The following SEMA5A variants were observed in gnomAD, a reference collection of about 807,000 sequenced individuals.
The protein encoded by SEMA5A is semaphorin 5A.
In SEMA5A, 55 loss-of-function variants were observed where a neutral mutation model predicts 135.5. That is an observed-to-expected ratio of 0.41 (90% CI 0.33 to 0.51). The LOEUF is 0.51. Among genes scored for constraint, SEMA5A ranks in the 20% least tolerant of loss-of-function variants. The probability of loss-of-function intolerance (pLI) is 0.37; values close to 1 mark genes in which losing one functional copy is unlikely to be tolerated. For synonymous variants in SEMA5A, 580 were observed against 546.5 expected (o/e 1.06, Z -0.85); for missense variants, 1,290 against 1,419.9 (o/e 0.91, Z 1.47).
intron 5 of SEMA5A, among the ~76,000 whole-genome samples, chr5:9,310,214 A>G (rs1752062998): frequency 6.6e-6 from 1 of 152,140 alleles, no homozygotes; most frequent in African/African-American, 2.4e-5. Flanking sequence ...CTACTGGTCA[A>G]GTTAGCTGAA....
intron 8 of SEMA5A, among the ~76,000 whole-genome samples, chr5:9,217,954 C>T (rs1183160778): frequency 1.3e-5 from 2 of 152,142 alleles, no homozygotes; most frequent in Admixed American, 6.5e-5. Flanking sequence ...TCTCTAACTT[C>T]ATTCCTATCC....
intron 18 of SEMA5A, among the ~76,000 whole-genome samples, chr5:9,060,648 A>C (rs1218130695): frequency 6.6e-6 from 1 of 152,068 alleles, no homozygotes; most frequent in African/African-American, 2.4e-5. Context: ...GCAGAGGAGG[A>C]GTCTCCTGAG....
intron 8 of SEMA5A, among the ~76,000 whole-genome samples, chr5:9,205,760 G>A (rs40679): frequency 6.6e-6 from 1 of 151,970 alleles, no homozygotes; most frequent in Non-Finnish European, 1.5e-5. Flanking sequence ...ATGTTGGTCA[G>A]GGAGTGAGAC....
chr5:9,347,745 A>G (rs1197924949), intron 3 of SEMA5A, among the ~76,000 whole-genome samples: 3 of 152,188 alleles, frequency 2.0e-5, no homozygotes, highest in Non-Finnish European at 4.4e-5. Flanking sequence ...GACAGGCTTC[A>G]TGTCCAGAAG....
intron 10 of SEMA5A, among the ~76,000 whole-genome samples, chr5:9,194,756 T>G (rs531358947): frequency 7.9e-5 from 12 of 152,348 alleles, no homozygotes; most frequent in Non-Finnish European, 1.6e-4. Flanking sequence ...CTGAAACGCA[T>G]GCCAATTTCT....
chr5:9,157,435 C>T (rs1166709534), intron 11 of SEMA5A, among the ~76,000 whole-genome samples: 1 of 152,206 alleles, frequency 6.6e-6, no homozygotes, highest in African/African-American at 2.4e-5. Flanking sequence ...ACCAGCATGT[C>T]CCACCTCCTG....
intron 2 of SEMA5A, among the ~76,000 whole-genome samples, chr5:9,400,501 A>ATTTTTTTTTTTT (rs1215358817): frequency 2.3e-5 from 2 of 87,018 alleles, no homozygotes; most frequent in African/African-American, 1.0e-4. Context: ...CACAATGTAC[A>ATTTTTTTTTTTT]TTTTTTTTTT....
rs142183261 is a variant in SEMA5A at position 9,060,437 on chromosome 5, A to C, written c.2518+2450T>G. On this transcript the variant is annotated intron_variant, in intron 18 of 22. Coordinates refer to ENST00000382496, the MANE Select transcript of SEMA5A (RefSeq NM_003966.3). ...ATAGGGTCTGGAGCCCAGGGAGACAAGGGTGGGTGGAGGGACCCTGACATT... is the reference window on the plus strand; with the variant it reads ...ATAGGGTCTGGAGCCCAGGGAGACACGGGTGGGTGGAGGGACCCTGACATT... 1.5e-3 allele frequency among the ~76,000 whole-genome samples: 221 copies of C among 152,238 alleles called. 1 individual carries two copies. Among genetic ancestry groups the C allele is most frequent in the Non-Finnish European group, 2.4e-3 (162 of 68,018 alleles).
intron 12 of SEMA5A, among the ~76,000 whole-genome samples, chr5:9,146,739 A>G (rs1005347937): frequency 3.3e-5 from 5 of 152,146 alleles, no homozygotes; most frequent in African/African-American, 9.7e-5. Context: ...CTCATTCATC[A>G]TCCTCTATGC....
At chr5:9,342,446 G>T (rs992042541) in intron 3 of SEMA5A, among the ~76,000 whole-genome samples, 1 of 152,200 alleles carries the variant, frequency 6.6e-6, no homozygotes, top group Non-Finnish European at 1.5e-5. Flanking sequence ...TAATTAAGGG[G>T]CTGAGAAAGC....
chr5:9,123,819 AC>A (rs1179171178), intron 13 of SEMA5A, among the ~76,000 whole-genome samples: 19 of 152,170 alleles, frequency 1.2e-4, no homozygotes, highest in African/African-American at 4.3e-4. Flanking sequence ...CTAAGAGCTT[AC>A]GGGCCAGTGA....
At position 9,416,010 on chromosome 5, in the gene SEMA5A, C is replaced by T. The variant is rs556082195; in HGVS notation, c.-78+21746G>A. 1.3e-5 allele frequency among the ~76,000 whole-genome samples: 2 copies of T among 152,312 alleles called. 1 individual carries two copies. The highest frequency in any genetic ancestry group is 4.1e-4 in the South Asian group (2 of 4,820). ...AGTCGCACTCACTCAGCTCAATAAA[C>T]TCTGTGTTTCAGGGGTAACCACAAA... On this transcript the variant is annotated intron_variant, in intron 2 of 22. Transcript: ENST00000382496.
At chr5:9,140,194 T>G (rs1048621885) in intron 12 of SEMA5A, among the ~76,000 whole-genome samples, 3 of 152,212 alleles carry the variant, frequency 2.0e-5, no homozygotes, top group African/African-American at 7.2e-5. Context: ...ATGTACTATT[T>G]TAAATAAAAA....
intron 1 of SEMA5A, among the ~76,000 whole-genome samples, chr5:9,475,702 TAA>T (rs1759643878): frequency 6.6e-6 from 1 of 152,194 alleles, no homozygotes; most frequent in Non-Finnish European, 1.5e-5. Context: ...TTGGTATTGT[TAA>T]AAGTTTGACT....
At chr5:9,220,250 C>T (rs55904537) in intron 8 of SEMA5A, among the ~76,000 whole-genome samples, 5,007 of 152,160 alleles carry the variant, frequency 0.033, 112 homozygotes, top group Non-Finnish European at 0.048. Context: ...ATACAGGGTA[C>T]GGTGTACACT....
At chr5:9,107,540 A>G (rs1228645234) in intron 16 of SEMA5A, among the ~76,000 whole-genome samples, 2 of 152,194 alleles carry the variant, frequency 1.3e-5, no homozygotes, top group Admixed American at 6.5e-5. Context: ...AACCGAATAG[A>G]GTAGCCATAT....
intron 12 of SEMA5A, among the ~76,000 whole-genome samples, chr5:9,138,134 G>A (rs900006016): frequency 7.2e-5 from 11 of 152,188 alleles, no homozygotes; most frequent in African/African-American, 2.4e-4. Context: ...GTACAAAAAT[G>A]TATGAAACAA....
At chr5:9,534,480 T>A (rs965959955) in intron 1 of SEMA5A, among the ~76,000 whole-genome samples, 4 of 152,158 alleles carry the variant, frequency 2.6e-5, no homozygotes, top group Admixed American at 2.0e-4. Flanking sequence ...TGATTACAGA[T>A]CATTGGGTGT....
At chr5:9,451,987 C>A (rs371414019) in intron 1 of SEMA5A, among the ~76,000 whole-genome samples, 8 of 152,200 alleles carry the variant, frequency 5.3e-5, no homozygotes, top group African/African-American at 1.7e-4. Flanking sequence ...AATTGAAAGG[C>A]GTTAGCCCTA....
Sources: gnomAD v4.1 joint callset for allele counts (sites outside exome capture counted in the v4.1 genomes callset) on GRCh38, gnomAD v4.1.1 for gene constraint, MANE v1.5 for transcripts, NCBI Gene and HGNC (gene_info 2026-07-23, HGNC 2026-07-21) for gene names.